The following IL34 variants were observed in gnomAD, a reference collection of about 807,000 sequenced individuals.
IL34 encodes the protein interleukin-34.
In IL34, 17 loss-of-function variants were observed where a neutral mutation model predicts 25.3. The ratio of observed to expected loss-of-function variants is 0.67; its 90% CI spans 0.46 to 1.01. The LOEUF is 1.01. Ranked by LOEUF, IL34 falls within the 50% of genes least tolerant of loss-of-function variation. The pLI is 0.00. For missense variants in IL34, 368 were observed against 312.9 expected (o/e 1.18, Z -1.33); for synonymous variants, 174 against 140.9 (o/e 1.23, Z -1.66).
intron 1 of IL34, among the ~76,000 whole-genome samples, chr16:70,588,001 T>C (rs2050714315): frequency 6.6e-6 from 1 of 152,096 alleles, no homozygotes; most frequent in South Asian, 2.1e-4. Flanking sequence ...GTCGCGCCAC[T>C]GCACTCTAGC....
At position 70,646,615 on chromosome 16, in the gene IL34, C is replaced by T. The variant is rs1410799462; in HGVS notation, c.-333C>T. 8 of 358,830 alleles carry T rather than the reference C, an allele frequency of 2.2e-5. No individual in the cohort carries two copies. The highest frequency in any genetic ancestry group is 1.3e-4 in the East Asian group (3 of 22,336). The allele number at this position is 358,830 out of a possible 1,614,324, so 22.2% of individuals were successfully genotyped here. On this transcript the variant is annotated 5_prime_UTR_variant, in exon 1 of 6. Coordinates refer to ENST00000288098, the MANE Select transcript of IL34 (RefSeq NM_001393494.1). The stretch of plus-strand genomic sequence containing the variant: ...GAAAGCGTCACCCAGCCCCAGATTC[C>T]GAGGGGCCTGCCAGGGACTCTCTCC...
At chr16:70,601,638 G>T (rs2151818209) in intron 1 of IL34, among the ~76,000 whole-genome samples, 1 of 152,334 alleles carries the variant, frequency 6.6e-6, no homozygotes, top group Middle Eastern at 3.4e-3. Context: ...GACCTCAAGT[G>T]ATTTGCCTGT....
upstream of IL34, among the ~76,000 whole-genome samples, chr16:70,641,941 C>A (rs2051794520): frequency 6.6e-6 from 1 of 152,152 alleles, no homozygotes; most frequent in Non-Finnish European, 1.5e-5. Flanking sequence ...ACAATACAAT[C>A]TGAAATGGAC....
At chr16:70,647,359 C>A (rs564818605) in intron 1 of IL34, among the ~76,000 whole-genome samples, 1 of 152,192 alleles carries the variant, frequency 6.6e-6, no homozygotes, top group Non-Finnish European at 1.5e-5. Flanking sequence ...GTGAAAGTGT[C>A]TAGGGACCCA....
chr16:70,634,492 C>T (rs988039601), intron 1 of IL34, among the ~76,000 whole-genome samples: 2 of 151,932 alleles, frequency 1.3e-5, no homozygotes, highest in African/African-American at 2.4e-5. Flanking sequence ...CCAGCCTGAC[C>T]AACAAGGTGA....
intron 5 of IL34, 79 bp from the exon 6 acceptor site, chr16:70,659,918 G>A (rs1182367279): frequency 1.3e-6 from 2 of 1,485,960 alleles, no homozygotes; most frequent in Non-Finnish European, 9.1e-7. Context: ...TGGGGGACAA[G>A]CACATGCGGC....
At position 70,640,829 on chromosome 16, in the gene IL34, C is replaced by T. The variant is rs138541336; in HGVS notation, c.-400-5719C>T. On this transcript the variant is annotated intron_variant, in intron 1 of 6. Transcript: ENST00000429149. ...TCCTTCACCTCCCAAAATTCCCCTGCGCCCCTTCTCAGTCAATCCCCTTCC... is the reference window on the plus strand; with the variant it reads ...TCCTTCACCTCCCAAAATTCCCCTGTGCCCCTTCTCAGTCAATCCCCTTCC... Among the ~76,000 whole-genome samples, 910 of 152,178 alleles carry T rather than the reference C, an allele frequency of 6.0e-3. 8 individuals are homozygous for T. Among genetic ancestry groups the T allele is most frequent in the Middle Eastern group, 0.017 (5 of 294 alleles).
At position 70,599,309 on chromosome 16, in the gene IL34, T is replaced by TTTCTTTCTTTCC. The variant is rs1567439369; in HGVS notation, c.-401+19270_-401+19271insCCTTCTTTCTTT. On this transcript the variant is annotated intron_variant, in intron 1 of 6. Coordinates refer to the IL34 transcript ENST00000429149. ...TCTTTCTTTCTTCTTTCTTTCCTTC[T>TTTCTTTCTTTCC]TTCTTTCTTTTCTTTCTTTCTCTCT... is the stretch of plus-strand genomic sequence containing the variant. 4.5e-3 allele frequency among the ~76,000 whole-genome samples: 656 copies of TTTCTTTCTTTCC among 146,672 alleles called. 6 individuals are homozygous for TTTCTTTCTTTCC. Among genetic ancestry groups the TTTCTTTCTTTCC allele is most frequent in the African/African-American group, 0.016 (599 of 38,038 alleles).
chr16:70,637,748 C>A (rs1350237129), intron 1 of IL34, among the ~76,000 whole-genome samples: 2 of 152,204 alleles, frequency 1.3e-5, no homozygotes, highest in African/African-American at 2.4e-5. Flanking sequence ...GAAGAGACTT[C>A]TTTCCTCTGT....
At chr16:70,598,974 G>C (rs1194299504) in intron 1 of IL34, among the ~76,000 whole-genome samples, 1 of 152,304 alleles carries the variant, frequency 6.6e-6, no homozygotes, top group South Asian at 2.1e-4. Flanking sequence ...TTGAGTGTAA[G>C]AGTCCATCCG....
intron 1 of IL34, among the ~76,000 whole-genome samples, chr16:70,582,440 G>A (rs749667711): frequency 3.3e-5 from 5 of 152,382 alleles, no homozygotes; most frequent in East Asian, 1.9e-4. Flanking sequence ...CAGAAGGAGC[G>A]TAGGCTCTGG....
chr16:70,655,722 T>C (rs999898391), intron 2 of IL34, among the ~76,000 whole-genome samples: 13 of 152,024 alleles, frequency 8.6e-5, no homozygotes, highest in African/African-American at 3.1e-4. Flanking sequence ...TTAATTTAAT[T>C]TTTAGAGACA....
In IL34 at chr16:70,635,283, C is replaced by A. The variant is rs146984762; in HGVS notation, c.-400-11265C>A. The stretch of plus-strand genomic sequence containing the variant: ...TTCTTGGCGACAGATATTTTCTTTG[C>A]TCCATAGAGGGGATAACCCCTCTGC... On this transcript the variant is annotated intron_variant, in intron 1 of 6. Transcript: ENST00000429149. Among the ~76,000 whole-genome samples, 870 of 152,326 alleles carry A rather than the reference C, an allele frequency of 5.7e-3. 7 individuals are homozygous for A. Among genetic ancestry groups the A allele is most frequent in the Middle Eastern group, 0.017 (5 of 294 alleles).
chr16:70,586,962 T>A (rs572776969), intron 1 of IL34, among the ~76,000 whole-genome samples: 1 of 152,300 alleles, frequency 6.6e-6, no homozygotes, highest in African/African-American at 2.4e-5. Flanking sequence ...ATCCAAGATG[T>A]TGCGGGCTCA....
chr16:70,605,241 C>T (rs7191224), intron 1 of IL34, among the ~76,000 whole-genome samples: 10 of 152,028 alleles, frequency 6.6e-5, no homozygotes, highest in Admixed American at 1.3e-4. Flanking sequence ...GAGTCTCTGA[C>T]GACAAGAGGC....
At chr16:70,596,852 G>C (rs1254832075) in intron 1 of IL34, among the ~76,000 whole-genome samples, 1 of 152,128 alleles carries the variant, frequency 6.6e-6, no homozygotes, top group Non-Finnish European at 1.5e-5. Context: ...CTCCCAAAGT[G>C]CTGGGATTAC....
chr16:70,617,210 A>C (rs2051186611), intron 1 of IL34, among the ~76,000 whole-genome samples: 1 of 152,200 alleles, frequency 6.6e-6, no homozygotes. Context: ...TAAGAGAAGG[A>C]GAAAAACCGG....
At chr16:70,623,229 G>C (rs1361850956) in intron 1 of IL34, among the ~76,000 whole-genome samples, 1 of 152,098 alleles carries the variant, frequency 6.6e-6, no homozygotes, top group Non-Finnish European at 1.5e-5. Context: ...TGAAAGCGAA[G>C]AGAGGCTGGG....
At chr16:70,601,032 A>ATGAGGGGAGAAGTAGGGGT (rs2050908394) in intron 1 of IL34, among the ~76,000 whole-genome samples, 1 of 151,442 alleles carries the variant, frequency 6.6e-6, no homozygotes, top group Non-Finnish European at 1.5e-5. Flanking sequence ...GAAGTAGGGG[A>ATGAGGGGAGAAGTAGGGGT]TGAGGGGAGA....
Sources: allele counts gnomAD v4.1 joint callset (sites outside exome capture counted in the v4.1 genomes callset), GRCh38; gene constraint gnomAD v4.1.1; transcripts MANE v1.5; gene names NCBI Gene and HGNC (gene_info 2026-07-23, HGNC 2026-07-21).